Variants in NRXN3 observed in about 807,000 individuals in gnomAD.
NRXN3 encodes the protein neurexin 3.
Under a neutral mutation model 137.6 loss-of-function variants are expected in NRXN3, and 32 were observed. That is an observed-to-expected ratio of 0.23 (90% confidence interval 0.18 to 0.31). NRXN3 has a LOEUF of 0.31. Ranked by LOEUF, NRXN3 falls within the 10% of genes least tolerant of loss-of-function variation. The pLI, the probability that NRXN3 is intolerant of heterozygous loss-of-function variation, is 1.00. For missense variants in NRXN3, 1,574 were observed against 2,062.5 expected (o/e 0.76, Z 4.59); for synonymous variants, 798 against 784.5 (o/e 1.02, Z -0.29).
At chr14:78,478,018 A>G (rs776361352) in intron 4 of NRXN3, among the ~76,000 whole-genome samples, 1 of 152,204 alleles carries the variant, frequency 6.6e-6, no homozygotes, top group Non-Finnish European at 1.5e-5. Flanking sequence ...TAGGCTCAAC[A>G]TAGTGACCGA....
intron 10 of NRXN3, among the ~76,000 whole-genome samples, chr14:78,878,120 T>TA (rs2099118135): frequency 6.6e-6 from 1 of 152,006 alleles, no homozygotes. Flanking sequence ...TCTTTCTGGT[T>TA]AAAAAAAGGC....
At chr14:78,703,164 A>C (rs1361169651) in intron 6 of NRXN3, among the ~76,000 whole-genome samples, 1 of 152,250 alleles carries the variant, frequency 6.6e-6, no homozygotes, top group African/African-American at 2.4e-5. Context: ...TAAAAGGTGT[A>C]ATTCATATTT....
At chr14:78,504,981 G>C (rs935320661) in intron 4 of NRXN3, among the ~76,000 whole-genome samples, 1 of 152,008 alleles carries the variant, frequency 6.6e-6, no homozygotes, top group Admixed American at 6.6e-5. Context: ...GCAAATCTCT[G>C]AGCCTTTGCC....
chr14:78,487,120 G>T (rs2095573431), intron 4 of NRXN3, among the ~76,000 whole-genome samples: 1 of 152,118 alleles, frequency 6.6e-6, no homozygotes, highest in Non-Finnish European at 1.5e-5. Context: ...GCTGGCTTTA[G>T]ATCTATGATA....
At chr14:79,240,387 A>G (rs2074084917) in intron 15 of NRXN3, among the ~76,000 whole-genome samples, 1 of 152,102 alleles carries the variant, frequency 6.6e-6, no homozygotes, top group Non-Finnish European at 1.5e-5. Context: ...TCTCTTGGGA[A>G]TCGCTCACTA....
rs555246455 is a variant in NRXN3 at position 78,862,360 on chromosome 14, G to A, written c.2275+52016G>A. On this transcript the variant is annotated intron_variant, in intron 10 of 20. Transcript: ENST00000335750. ...TGACTAGTAGAGAGTGGATATTTGCGAAGATTTATTACTAATGATAGATCT... is the reference window on the plus strand; with the variant it reads ...TGACTAGTAGAGAGTGGATATTTGCAAAGATTTATTACTAATGATAGATCT... 5.9e-5 allele frequency among the ~76,000 whole-genome samples: 9 copies of A among 152,156 alleles called. No homozygotes were observed. The East Asian group carries it at 7.7e-4, about 13-fold the overall frequency.
intron 10 of NRXN3, among the ~76,000 whole-genome samples, chr14:78,881,659 G>C (rs548419038): frequency 6.6e-6 from 1 of 151,694 alleles, no homozygotes; most frequent in African/African-American, 2.4e-5. Flanking sequence ...GCTGTAAAAA[G>C]CATTCAATTT....
In NRXN3 at chr14:79,498,494, A is replaced by T. The variant is rs113777613; in HGVS notation, c.3444+31092A>T. ...CATCAGGTCCAAAATGGAATTCTTG[A>T]TCCCCCAACCTGCTCCTTACAGAGT... On this transcript the variant is annotated intron_variant, in intron 16 of 20. Transcript: ENST00000335750. 4.6e-5 allele frequency among the ~76,000 whole-genome samples: 7 copies of T among 152,296 alleles called. 2 individuals are homozygous for T. Among genetic ancestry groups the T allele is most frequent in the African/African-American group, 1.7e-4 (7 of 41,564 alleles).
At chr14:78,848,100 A>C (rs1348332614) in intron 10 of NRXN3, among the ~76,000 whole-genome samples, 1 of 152,106 alleles carries the variant, frequency 6.6e-6, no homozygotes, top group African/African-American at 2.4e-5. Flanking sequence ...GTCTCACTGC[A>C]ATAGGAGGGG....
chr14:78,912,657 T>A (rs1359053679), intron 10 of NRXN3, among the ~76,000 whole-genome samples: 2 of 152,156 alleles, frequency 1.3e-5, no homozygotes, highest in Non-Finnish European at 2.9e-5. Context: ...TCATTTATTC[T>A]TCTTACATCC....
At chr14:79,569,183 T>G (rs542747604) in intron 16 of NRXN3, among the ~76,000 whole-genome samples, 2 of 152,186 alleles carry the variant, frequency 1.3e-5, no homozygotes, top group East Asian at 3.9e-4. Flanking sequence ...CACCCTGTCT[T>G]GGTGATACAC....
chr14:78,206,008 G>C (rs2062151120), intron 1 of NRXN3, among the ~76,000 whole-genome samples: 1 of 152,186 alleles, frequency 6.6e-6, no homozygotes, highest in South Asian at 2.1e-4. Context: ...CAATTGGGAG[G>C]TTGTGGGTGC....
intron 15 of NRXN3, among the ~76,000 whole-genome samples, chr14:79,404,494 T>G (rs556538256): frequency 2.0e-5 from 3 of 152,104 alleles, no homozygotes; most frequent in Non-Finnish European, 4.4e-5. Context: ...CCCCGAAGAA[T>G]AGGGGGTGGT....
intron 15 of NRXN3, among the ~76,000 whole-genome samples, chr14:79,253,516 T>TTTCTTCTTATATTGCTACTCTTA (rs2076204028): frequency 2.6e-5 from 4 of 152,200 alleles, no homozygotes; most frequent in African/African-American, 9.7e-5. Flanking sequence ...AGTGTATTAG[T>TTTCTTCTTATATTGCTACTCTTA]TTCTTCTTAT....
chr14:78,636,950 C>T (rs2097572712), intron 4 of NRXN3, among the ~76,000 whole-genome samples: 1 of 152,016 alleles, frequency 6.6e-6, no homozygotes. Context: ...AATTGGCAAA[C>T]AATTGGCTCA....
At chr14:78,302,095 C>G (rs2076929665) in intron 4 of NRXN3, among the ~76,000 whole-genome samples, 5 of 152,212 alleles carry the variant, frequency 3.3e-5, no homozygotes, top group African/African-American at 1.2e-4. Flanking sequence ...CACCAATCTG[C>G]CTAGGACTCA....
chr14:78,848,485 C>T (rs993437925), intron 10 of NRXN3, among the ~76,000 whole-genome samples: 1 of 151,578 alleles, frequency 6.6e-6, no homozygotes, highest in Non-Finnish European at 1.5e-5. Flanking sequence ...CATTACAGGC[C>T]GTGCCTTCAG....
At chr14:78,805,335 T>C (rs539438282) in intron 9 of NRXN3, among the ~76,000 whole-genome samples, 1 of 152,208 alleles carries the variant, frequency 6.6e-6, no homozygotes, top group South Asian at 2.1e-4. Context: ...TTTGTGTGCG[T>C]GTGTTCCTGA....
At chr14:78,571,216 T>A (rs1372121345) in intron 4 of NRXN3, among the ~76,000 whole-genome samples, 1 of 152,190 alleles carries the variant, frequency 6.6e-6, no homozygotes, top group Non-Finnish European at 1.5e-5. Context: ...CACAACTTAT[T>A]TTAAAGATAA....
Sources: allele counts gnomAD v4.1 joint callset (sites outside exome capture counted in the v4.1 genomes callset), GRCh38; gene constraint gnomAD v4.1.1; transcripts MANE v1.5; gene names NCBI Gene and HGNC (gene_info 2026-07-23, HGNC 2026-07-21).